RPS6KC1: variants seen among roughly 807,000 people sequenced by gnomAD.
RPS6KC1 encodes inactive ribosomal protein S6 kinase delta-1.
In RPS6KC1, 54 loss-of-function variants were observed where a neutral mutation model predicts 103.8. The ratio of observed to expected loss-of-function variants is 0.52; its 90% CI spans 0.42 to 0.65. The LOEUF is 0.65. Ranked by LOEUF, RPS6KC1 falls within the 30% of genes least tolerant of loss-of-function variation. RPS6KC1 has a pLI of 0.00. For synonymous variants in RPS6KC1, 439 were observed against 438.7 expected (o/e 1.00, Z -0.01); for missense variants, 1,151 against 1,253.8 (o/e 0.92, Z 1.24).
the RPS6KC1 span, among the ~76,000 whole-genome samples, chr1:213,300,212 A>AT: frequency 5.9e-5 from 9 of 152,342 alleles, no homozygotes; most frequent in Admixed American, 4.6e-4. Context: ...CAGTTTTTAA[A>AT]TTTAAATTAT....
chr1:213,173,581 A>G (rs60727621), intron 7 of RPS6KC1, among the ~76,000 whole-genome samples: 5,132 of 152,358 alleles, frequency 0.034, 116 homozygotes, highest in Middle Eastern at 0.061. Context: ...TGTATACAGT[A>G]TAGAATAACT....
At chr1:213,231,517 T>C (rs2094104389) in intron 9 of RPS6KC1, among the ~76,000 whole-genome samples, 1 of 152,206 alleles carries the variant, frequency 6.6e-6, no homozygotes, top group Non-Finnish European at 1.5e-5. Context: ...TTTCTGTTGC[T>C]TTTTCTTTTG....
At chr1:213,436,819 T>G in the RPS6KC1 span, among the ~76,000 whole-genome samples, 4 of 152,190 alleles carry the variant, frequency 2.6e-5, no homozygotes, top group South Asian at 8.3e-4. Flanking sequence ...CTTTTGTTTC[T>G]GATACATAGA....
chr1:213,767,370 A>G, the RPS6KC1 span, among the ~76,000 whole-genome samples: 1 of 152,028 alleles, frequency 6.6e-6, no homozygotes, highest in Non-Finnish European at 1.5e-5. Context: ...CTTATTTTAC[A>G]TATGTATATA....
chr1:213,779,981 G>A, the RPS6KC1 span, among the ~76,000 whole-genome samples: 39 of 152,308 alleles, frequency 2.6e-4, no homozygotes, highest in Middle Eastern at 3.4e-3. Flanking sequence ...GGGTGCAAAG[G>A]AATGGGGGTG....
the RPS6KC1 span, among the ~76,000 whole-genome samples, chr1:213,424,174 A>G: frequency 6.6e-6 from 1 of 152,224 alleles, no homozygotes; most frequent in Non-Finnish European, 1.5e-5. Flanking sequence ...GAAGTGAGAA[A>G]ATAAACCTCT....
chr1:213,216,941 C>A (rs1205726225), intron 8 of RPS6KC1, among the ~76,000 whole-genome samples: 4 of 151,776 alleles, frequency 2.6e-5, no homozygotes, highest in African/African-American at 4.9e-5. Context: ...AATTGACACC[C>A]TAACATCACA....
At chr1:213,814,319 A>G in the RPS6KC1 span, among the ~76,000 whole-genome samples, 1 of 152,180 alleles carries the variant, frequency 6.6e-6, no homozygotes, top group Non-Finnish European at 1.5e-5. Context: ...GGAGCAGTAA[A>G]CCTCTTGGGA....
At chr1:213,327,510 G>T in the RPS6KC1 span, among the ~76,000 whole-genome samples, 1 of 152,120 alleles carries the variant, frequency 6.6e-6, no homozygotes, top group African/African-American at 2.4e-5. Flanking sequence ...TGACTTGCGG[G>T]TGGTCTTAAG....
the RPS6KC1 span, among the ~76,000 whole-genome samples, chr1:213,319,044 G>A: frequency 8.5e-5 from 13 of 152,190 alleles, no homozygotes; most frequent in African/African-American, 2.9e-4. Flanking sequence ...GGTGGCTCAC[G>A]CCTGTCATCC....
At chr1:213,153,099 C>T (rs1207009179) in intron 6 of RPS6KC1, among the ~76,000 whole-genome samples, 6 of 152,186 alleles carry the variant, frequency 3.9e-5, no homozygotes, top group African/African-American at 1.2e-4. Flanking sequence ...CCTGGCGGCG[C>T]GAGTCTGCAA....
the RPS6KC1 span, among the ~76,000 whole-genome samples, chr1:213,470,434 A>G: frequency 6.6e-6 from 1 of 152,084 alleles, no homozygotes; most frequent in Non-Finnish European, 1.5e-5. Flanking sequence ...TTTCACAAGG[A>G]TACTTCATGG....
chr1:213,427,795 T>C, the RPS6KC1 span, among the ~76,000 whole-genome samples: 2 of 152,178 alleles, frequency 1.3e-5, no homozygotes, highest in African/African-American at 4.8e-5. Context: ...AAAATCAGCT[T>C]ACCTTGTGAT....
chr1:213,672,830 A>G, the RPS6KC1 span, among the ~76,000 whole-genome samples: 1 of 152,140 alleles, frequency 6.6e-6, no homozygotes, highest in Non-Finnish European at 1.5e-5. Context: ...TCGTCATCTC[A>G]TCCCTGTACG....
chr1:213,653,103 A>G, the RPS6KC1 span, among the ~76,000 whole-genome samples: 5 of 152,344 alleles, frequency 3.3e-5, no homozygotes, highest in South Asian at 6.2e-4. Flanking sequence ...TTTACAATAT[A>G]TCATAGAATA....
the RPS6KC1 span, among the ~76,000 whole-genome samples, chr1:213,724,371 C>T: frequency 5.8e-4 from 89 of 152,312 alleles, no homozygotes; most frequent in African/African-American, 1.7e-3. Context: ...TGAGCCACTG[C>T]GCCCAGCCTT....
the RPS6KC1 span, among the ~76,000 whole-genome samples, chr1:213,355,088 T>C: frequency 2.6e-5 from 4 of 152,134 alleles, no homozygotes; most frequent in South Asian, 2.1e-4. Context: ...TGTGGTGGCG[T>C]ATGCCTATAA....
intron 1 of RPS6KC1, among the ~76,000 whole-genome samples, chr1:213,068,343 G>T (rs1402851500): frequency 6.6e-6 from 1 of 151,862 alleles, no homozygotes; most frequent in East Asian, 1.9e-4. Context: ...AATTCGCTGG[G>T]CATGGTAGCA....
chr1:213,835,484 A>G, the RPS6KC1 span, among the ~76,000 whole-genome samples: 1 of 152,208 alleles, frequency 6.6e-6, no homozygotes, highest in Admixed American at 6.5e-5. Context: ...GCGACCAGTT[A>G]GGAGGCTGCT....
Sources: gnomAD v4.1 joint callset for allele counts (sites outside exome capture counted in the v4.1 genomes callset) on GRCh38, gnomAD v4.1.1 for gene constraint, MANE v1.5 for transcripts, NCBI Gene and HGNC (gene_info 2026-07-23, HGNC 2026-07-21) for gene names.